The following NISCH variants were observed in gnomAD, a reference collection of about 807,000 sequenced individuals.
The protein encoded by NISCH is I-1 receptor candidate protein.
A neutral mutation model predicts 138.4 loss-of-function variants in NISCH; 55 were observed. That is an observed-to-expected ratio of 0.40 (90% CI 0.32 to 0.50). The LOEUF is 0.50. Ranked by LOEUF, NISCH falls within the 20% of genes least tolerant of loss-of-function variation. The probability of loss-of-function intolerance (pLI) is 0.71; values close to 1 mark genes in which losing one functional copy is unlikely to be tolerated. For synonymous variants in NISCH, 860 were observed against 861.5 expected (o/e 1.00, Z 0.03); for missense variants, 1,643 against 2,005.5 (o/e 0.82, Z 3.45).
At chr3:52,458,038 C>A in intron 2 of NISCH, 112 bp downstream of exon 2, 2 of 724,806 alleles carry the variant, frequency 2.8e-6, no homozygotes, top group Non-Finnish European at 4.9e-6. Flanking sequence ...CTCTATAGTT[C>A]TTTAATAAAC....
chr3:52,456,280 T>G (rs1706466994), intron 1 of NISCH, among the ~76,000 whole-genome samples: 1 of 147,752 alleles, frequency 6.8e-6, no homozygotes, highest in African/African-American at 2.5e-5. Flanking sequence ...GCCTTGGGGG[T>G]CGGGCGGAGA....
At chr3:52,470,129 G>C (rs889163339) in intron 3 of NISCH, among the ~76,000 whole-genome samples, 22 of 150,442 alleles carry the variant, frequency 1.5e-4, no homozygotes, top group Admixed American at 6.6e-5. Flanking sequence ...TTTTCCTCTT[G>C]TAGGATGTTG....
intron 6 of NISCH, among the ~76,000 whole-genome samples, chr3:52,472,963 C>T (rs982320030): frequency 6.6e-6 from 1 of 152,228 alleles, no homozygotes; most frequent in African/African-American, 2.4e-5. Context: ...CCCTGTGGCC[C>T]CATGTCTCCT....
At chr3:52,482,884 A>C (rs368225715) in intron 13 of NISCH, among the ~76,000 whole-genome samples, 1 of 152,170 alleles carries the variant, frequency 6.6e-6, no homozygotes, top group African/African-American at 2.4e-5. Flanking sequence ...AGGGGGTTCA[A>C]GATGACCCAG....
chr3:52,492,627 T>C lies in NISCH; in HGVS notation c.*145T>C. The C allele has an allele frequency of 9.1e-7, 1 of 1,103,506 alleles. No individual in the cohort carries two copies. Among genetic ancestry groups the C allele is most frequent in the African/African-American group, 1.6e-5 (1 of 63,520 alleles). 68.4% of individuals were successfully genotyped at this position (1,103,506 alleles called of 1,614,324 possible). A position where few individuals can be genotyped will look rare whatever the true frequency, so the allele number is the denominator to read the frequency against. On this transcript the variant is annotated 3_prime_UTR_variant, in exon 21 of 21. Transcript: ENST00000345716. The stretch of plus-strand genomic sequence containing the variant: ...CAGAGAATGTGAACATGTGTGTGTG[T>C]TGTGTTAATTCTTTCTCATGTTGGG...
intron 3 of NISCH, among the ~76,000 whole-genome samples, chr3:52,470,333 CAAG>C (rs1251605267): frequency 6.6e-6 from 1 of 152,058 alleles, no homozygotes; most frequent in African/African-American, 2.4e-5. Flanking sequence ...GGGATGAACA[CAAG>C]AAGAAAACAA....
Position 52,491,491 on chromosome 3 carries a change from C to T in NISCH, c.3882C>T (p.Ser1294=), listed in dbSNP as rs374481892. 14 of 1,612,678 alleles carry T rather than the reference C, an allele frequency of 8.7e-6. No individual in the cohort carries two copies. The African/African-American group carries it at 1.5e-4, about 17-fold the overall frequency. The stretch of plus-strand genomic sequence containing the variant: ...AGCCTGTTGACAAGGACTTCTACTC[C>T]GAGTTTGGGAACAAGACCACAGGTA... ...SPEPVDKDFY[S]EFGNKTTGKM... is the part of the protein sequence containing the mutation. The change falls in exon 20 of 21, where the codon TCC becomes TCT. Residue 1294 remains serine (S), a synonymous_variant. Coordinates refer to ENST00000345716, the MANE Select transcript of NISCH (RefSeq NM_007184.4).
At position 52,479,828 on chromosome 3, in the gene NISCH, A is replaced by C; in HGVS notation, c.1382A>C (p.Glu461Ala). ...EVLKAIQKAK[E>A]VKSKLSNPEK... ...CTGAAAGCAATTCAGAAAGCCAAGG[A>C]GGTCAAGTCCAAACTGAGCAACCCA... Residue 461 changes from glutamate to alanine, a missense_variant, in exon 12 of 21, where the codon GAG (glutamate) becomes GCG (alanine). Glu to Ala is a moderately radical substitution (Grantham distance 107, BLOSUM62 -1). Coordinates refer to ENST00000345716, the MANE Select transcript of NISCH (RefSeq NM_007184.4). The C allele has an allele frequency of 1.2e-6, 2 of 1,613,770 alleles. No homozygotes were observed. The highest frequency in any genetic ancestry group is 1.7e-6 in the Non-Finnish European group (2 of 1,179,906).
chr3:52,477,804 T>G, intron 9 of NISCH, 162 bp downstream of exon 9: 1 of 660,558 alleles, frequency 1.5e-6, no homozygotes, highest in Non-Finnish European at 2.7e-6. Flanking sequence ...ATTGTTGCTC[T>G]AGTTCCAAAG....
Position 52,480,199 on chromosome 3 carries a change from C to T in NISCH, c.1432C>T (p.Arg478Trp), listed in dbSNP as rs762808452. 7.4e-6 allele frequency: 12 copies of T among 1,613,988 alleles called. No individual in the cohort carries two copies. Among genetic ancestry groups the T allele is most frequent in the East Asian group, 4.5e-5 (2 of 44,894 alleles). The stretch of plus-strand genomic sequence containing the variant: ...TCGTCCTCAGGGTGGTGAAGACTCC[C>T]GGCTCTCAGCTGCCCCCTGCATCAG... ...NPEKKGGEDS[R>W]LSAAPCIRPS... Residue 478 changes from arginine (R) to tryptophan (W), a missense_variant, in exon 13 of 21, where the codon CGG (arginine) becomes TGG (tryptophan). By Grantham distance (101) the Arg-to-Trp change is moderately radical (BLOSUM62 -3). Transcript: ENST00000345716.
chr3:52,485,069 C>T (rs574031035), intron 14 of NISCH, among the ~76,000 whole-genome samples: 86 of 152,302 alleles, frequency 5.6e-4, no homozygotes, highest in African/African-American at 2.0e-3. Flanking sequence ...TTCCGCATGT[C>T]ACCCTGGTGG....
intron 3 of NISCH, among the ~76,000 whole-genome samples, chr3:52,464,794 G>T (rs1706737027): frequency 6.6e-6 from 1 of 151,894 alleles, no homozygotes; most frequent in Non-Finnish European, 1.5e-5. Flanking sequence ...CAAAGTGCCG[G>T]CATTACAGCC....
chr3:52,488,746 C>T (rs913403304), intron 16 of NISCH, 141 bp downstream of exon 16: 1 of 691,386 alleles, frequency 1.4e-6, no homozygotes, highest in South Asian at 1.9e-5. Context: ...CCCCCCGGGC[C>T]TCCCTCTACA....
intron 3 of NISCH, among the ~76,000 whole-genome samples, chr3:52,460,129 C>G (rs1183600059): frequency 8.0e-6 from 1 of 124,660 alleles, no homozygotes; most frequent in South Asian, 2.7e-4. Context: ...TGCAGTAAGT[C>G]GAGATCATGT....
chr3:52,478,230 A>G lies in NISCH; in HGVS notation c.1121A>G (p.His374Arg), dbSNP rs201701090. ...GNLLESLSGL[H>R]KLYSLVNLDL... ...CTCCTAGAGAGTCTGAGTGGCCTGCACAAGCTCTACTCACTGGTCAACCTG... is the reference window on the plus strand; with the variant it reads ...CTCCTAGAGAGTCTGAGTGGCCTGCGCAAGCTCTACTCACTGGTCAACCTG... Residue 374 changes from histidine (H) to arginine (R), a missense_variant, in exon 10 of 21, where the codon CAC becomes CGC. Transcript: ENST00000345716. The G allele has an allele frequency of 1.9e-3, 3,111 of 1,614,144 alleles. 71 individuals carry two copies. The South Asian group carries it at 0.033, about 17-fold the overall frequency.
At position 52,489,215 on chromosome 3, in the gene NISCH, A is replaced by G. The variant is rs1707494367; in HGVS notation, c.3114-121A>G. ...GTTCTCCAATAGAGAAGCTGGTGGA[A>G]GTCCCCAGTAACCCAGAGGTGATGT... On this transcript the variant is annotated intron_variant, in intron 16 of 20. Transcript: ENST00000345716. 4.1e-6 allele frequency: 5 copies of G among 1,205,244 alleles called. No homozygotes were observed. The Admixed American group carries it at 6.7e-5, about 16-fold the overall frequency. The allele number at this position is 1,205,244 out of a possible 1,614,324, so 74.7% of individuals were successfully genotyped here.
intron 11 of NISCH, 36 bp downstream of exon 11, chr3:52,478,613 C>T (rs764964765): frequency 4.4e-6 from 7 of 1,596,770 alleles, no homozygotes; most frequent in Non-Finnish European, 6.0e-6. Flanking sequence ...CCCAGGGAGA[C>T]CTTCGGGATG....
chr3:52,458,694 G>C lies in NISCH; in HGVS notation c.210G>C (p.Leu70=), dbSNP rs1343921583. The C allele has an allele frequency of 6.2e-7, 1 of 1,613,508 alleles. No individual in the cohort carries two copies. The highest frequency in any genetic ancestry group is 8.5e-7 in the Non-Finnish European group (1 of 1,179,874). The change falls in exon 3 of 21, where the codon CTG becomes CTC. Residue 70 remains leucine (L), a synonymous_variant. Coordinates refer to ENST00000345716, the MANE Select transcript of NISCH (RefSeq NM_007184.4). ...LVAERKIDKN[L]LPPKKIIGKN... ...CAGAGAGAAAGATTGATAAAAATCTGCTTCCGCCCAAAAAGATAATTGGGA... is the reference window on the plus strand; with the variant it reads ...CAGAGAGAAAGATTGATAAAAATCTCCTTCCGCCCAAAAAGATAATTGGGA...
At chr3:52,461,144 A>G (rs576854070) in intron 3 of NISCH, among the ~76,000 whole-genome samples, 94 of 152,322 alleles carry the variant, frequency 6.2e-4, no homozygotes, top group African/African-American at 1.5e-3. Context: ...GGAGAGAGGC[A>G]TGAGAGTCGC....
Sources: gnomAD v4.1 joint callset for allele counts (sites outside exome capture counted in the v4.1 genomes callset) on GRCh38, gnomAD v4.1.1 for gene constraint, MANE v1.5 for transcripts, NCBI Gene and HGNC (gene_info 2026-07-23, HGNC 2026-07-21) for gene names.